Variants in ARHGEF18 observed in about 807,000 individuals in gnomAD.
ARHGEF18 encodes the protein Rho/Rac guanine nucleotide exchange factor 18.
ARHGEF18 carries 93 observed loss-of-function variants against 155.7 expected under a neutral mutation model. The observed-to-expected ratio is 0.60, with a 90% CI of 0.50 to 0.71. The LOEUF (loss-of-function observed/expected upper bound fraction) is 0.71. Ranked by LOEUF, ARHGEF18 falls within the 30% of genes least tolerant of loss-of-function variation. The probability of loss-of-function intolerance (pLI) is 0.00; values close to 1 mark genes in which losing one functional copy is unlikely to be tolerated. For synonymous variants in ARHGEF18, 742 were observed against 753.1 expected, an observed-to-expected ratio of 0.99 and a Z score of 0.24; for missense variants, 1,593 against 1,816.1, an observed-to-expected ratio of 0.88 and a Z score of 2.23.
At chr19:7,385,764 C>T (rs1371092297) in intron 10 of ARHGEF18, among the ~76,000 whole-genome samples, 1 of 151,360 alleles carries the variant, frequency 6.6e-6, no homozygotes, top group Admixed American at 6.6e-5. Context: ...GCGTGAGCCA[C>T]CGCGCCTGGC....
intron 14 of ARHGEF18, among the ~76,000 whole-genome samples, chr19:7,446,557 A>G (rs1422356513): frequency 6.6e-6 from 1 of 152,056 alleles, no homozygotes; most frequent in Non-Finnish European, 1.5e-5. Flanking sequence ...CCTGACCAAC[A>G]TGGTGAAACC....
At chr19:7,385,443 CATTATTATTATT>C (rs142755963) in intron 10 of ARHGEF18, among the ~76,000 whole-genome samples, 448 of 136,664 alleles carry the variant, frequency 3.3e-3, no homozygotes, top group Middle Eastern at 7.4e-3. Context: ...CTGGGAACTT[CATTATTATTATT>C]ATTATTATTA....
intron 2 of ARHGEF18, among the ~76,000 whole-genome samples, chr19:7,367,944 G>A (rs1488672587): frequency 8.8e-6 from 1 of 113,496 alleles, no homozygotes; most frequent in Non-Finnish European, 1.7e-5. Flanking sequence ...GGGCATGGTA[G>A]TGCAGACCTG....
intron 23 of ARHGEF18, 82 bp from the exon 24 acceptor site, chr19:7,466,836 A>AAAGGAAGAAG (rs112677825): frequency 0.15 from 160,538 of 1,090,122 alleles, 15,814 homozygotes; most frequent in African/African-American, 0.2. Context: ...AGTTAAAAAA[A>AAAGGAAGAAG]AAGAAGAAGA....
rs764295811 is a variant in ARHGEF18, at chr19:7,451,218, A to G, written c.1807A>G (p.Ile603Val). Reference sequence around the variant, plus strand: ...GTGCATTCTCCTGGTTACACAACGCATAACCAAATACCCAGTGCTGGTGGA... The same window carrying G: ...GTGCATTCTCCTGGTTACACAACGCGTAACCAAATACCCAGTGCTGGTGGA... ...QECILLVTQR[I>V]TKYPVLVERI... Residue 603 changes from isoleucine (I) to valine (V), a missense_variant, in exon 16 of 29, where the codon ATA becomes GTA. By Grantham distance (29) the Ile-to-Val change is conservative (BLOSUM62 3). Coordinates refer to ENST00000668164, the MANE Select transcript of ARHGEF18 (RefSeq NM_001367823.1). 1 of 1,602,236 alleles carries G rather than the reference A, an allele frequency of 6.2e-7. No individual in the cohort carries two copies.
chr19:7,437,698 C>T (rs369968735), intron 10 of ARHGEF18, among the ~76,000 whole-genome samples: 38 of 149,546 alleles, frequency 2.5e-4, no homozygotes, highest in African/African-American at 8.4e-4. Context: ...GGCTGGAGTG[C>T]GGTGGCATGA....
intron 10 of ARHGEF18, among the ~76,000 whole-genome samples, chr19:7,397,620 C>A (rs1971790928): frequency 6.6e-6 from 1 of 152,000 alleles, no homozygotes; most frequent in Middle Eastern, 3.4e-3. Context: ...GTAGTCCCAG[C>A]TAGTCAGGAG....
At chr19:7,394,115 C>A (rs779098571) in intron 10 of ARHGEF18, among the ~76,000 whole-genome samples, 11 of 151,458 alleles carry the variant, frequency 7.3e-5, no homozygotes, top group Non-Finnish European at 1.5e-4. Flanking sequence ...ACCTCCCAGG[C>A]TCAAGTCATC....
downstream of ARHGEF18, among the ~76,000 whole-genome samples, chr19:7,473,808 CAAAAAAA>C (rs35797777): frequency 1.1e-4 from 9 of 79,634 alleles, no homozygotes; most frequent in East Asian, 3.6e-4. Flanking sequence ...GACTCCGTCT[CAAAAAAA>C]AAAAAAAAAA....
intron 19 of ARHGEF18, 125 bp from the exon 20 acceptor site, chr19:7,459,778 C>T: frequency 2.6e-6 from 2 of 766,204 alleles, no homozygotes; most frequent in South Asian, 1.8e-5. Flanking sequence ...TCCTGCACCA[C>T]GAACAAGCTA....
intron 27 of ARHGEF18, 108 bp from the exon 28 acceptor site, chr19:7,469,796 G>A: frequency 2.2e-6 from 3 of 1,370,008 alleles, no homozygotes; most frequent in Non-Finnish European, 3.0e-6. Flanking sequence ...GCCGCCCGTG[G>A]GAAGTGTCAG....
At position 7,395,171 on chromosome 19, in the gene ARHGEF18, C is replaced by T. The variant is rs1971623335; in HGVS notation, c.967+11968C>T. The T allele has an allele frequency of 1.0e-6, 1 of 986,032 alleles. No homozygotes were observed. Among genetic ancestry groups the T allele is most frequent in the Non-Finnish European group, 1.2e-6 (1 of 830,424 alleles). 61.1% of individuals were successfully genotyped at this position (986,032 alleles called of 1,614,324 possible). A position where few individuals can be genotyped will look rare whatever the true frequency, so the allele number is the denominator to read the frequency against. ...CTAGCTACTGTGGATCTGGGGGGGC[C>T]GGACGGAGGCATCGGAGGCGGCTGC... On this transcript the variant is annotated intron_variant, in intron 10 of 28. Coordinates refer to ENST00000668164, the MANE Select transcript of ARHGEF18 (RefSeq NM_001367823.1). This position sits in a 1 kb window ranked among gnomAD's most constrained non-coding sequence, Gnocchi z 5.0.
Position 7,375,322 on chromosome 19 carries a change from AAAGAAAGAAAAGG to A in ARHGEF18, c.276-386_276-374del, listed in dbSNP as rs1287157772. On this transcript the variant is annotated intron_variant, in intron 3 of 28. Transcript: ENST00000668164. ...AGAAAGAAAAGAAAGAAAAAGAAAG[AAAGAAAGAAAAGG>A]AAGAAAGAAAAAGAAAGAAAAGGAA... Among the ~76,000 whole-genome samples the A allele has an allele frequency of 9.5e-5, 14 of 146,812 alleles. 1 individual carries two copies. Among genetic ancestry groups the A allele is most frequent in the Non-Finnish European group, 1.5e-4 (10 of 66,796 alleles).
At position 7,416,605 on chromosome 19, in the gene ARHGEF18, GTT is replaced by G. The variant is rs71179109; in HGVS notation, c.968-23725_968-23724del. On this transcript the variant is annotated intron_variant, in intron 10 of 28. Transcript: ENST00000668164. ...TTGGGGTGGATGATATTTTATTTGGGTTTTTTTTTTTTTTTGAGACAGAGTCT... is the reference window on the plus strand; with the variant it reads ...TTGGGGTGGATGATATTTTATTTGGGTTTTTTTTTTTTTGAGACAGAGTCT... 1.6e-3 allele frequency among the ~76,000 whole-genome samples: 145 copies of G among 90,450 alleles called. 5 individuals are homozygous for G. The highest frequency in any genetic ancestry group is 5.7e-3 in the African/African-American group (134 of 23,678). The allele number at this position is 90,450 out of a possible 152,430, so 59.3% of individuals were successfully genotyped here. A position where few individuals can be genotyped will look rare whatever the true frequency, so the allele number is the denominator to read the frequency against.
intron 1 of ARHGEF18, among the ~76,000 whole-genome samples, chr19:7,354,415 C>G (rs74652037): frequency 0.92 from 140,480 of 152,156 alleles, 64,980 homozygotes; most frequent in East Asian, 0.97. Flanking sequence ...GTAATGTAAA[C>G]AATTGGGAGA....
In ARHGEF18 at chr19:7,350,763, GGTGGGTGTGTGTGTGTGT is replaced by G. The variant is rs1198788338; in HGVS notation, c.-111+1526_-111+1543del. On this transcript the variant is annotated intron_variant, in intron 1 of 28. Coordinates refer to ENST00000668164, the MANE Select transcript of ARHGEF18 (RefSeq NM_001367823.1). ...GTTAAAAGGCTGTTGAGTTTTTTGG[GGTGGGTGTGTGTGTGTGT>G]GTGTGTGTGTGTGTGTGTGTGTGTG... Among the ~76,000 whole-genome samples, 279 of 133,244 alleles carry G rather than the reference GGTGGGTGTGTGTGTGTGT, an allele frequency of 2.1e-3. 1 individual carries two copies. Among genetic ancestry groups the G allele is most frequent in the East Asian group, 5.3e-3 (22 of 4,132 alleles). 87.4% of individuals were successfully genotyped at this position (133,244 alleles called of 152,430 possible). A position where few individuals can be genotyped will look rare whatever the true frequency, so the allele number is the denominator to read the frequency against.
At position 7,395,878 on chromosome 19, in the gene ARHGEF18, C is replaced by T. The variant is rs1971670389; in HGVS notation, c.967+12675C>T. ...ACTTTTATTTGAGATTGAGGGGGTA[C>T]ATGTACAGGTTTGTTACCTGGATAT... On this transcript the variant is annotated intron_variant, in intron 10 of 28. Coordinates refer to ENST00000668164, the MANE Select transcript of ARHGEF18 (RefSeq NM_001367823.1). The surrounding 1 kb of genome is among the most constrained non-coding windows in gnomAD (Gnocchi z 5.0). Among the ~76,000 whole-genome samples, 2 of 152,086 alleles carry T rather than the reference C, an allele frequency of 1.3e-5. No individual in the cohort carries two copies. Among genetic ancestry groups the T allele is most frequent in the African/African-American group, 2.4e-5 (1 of 41,410 alleles).
intron 1 of ARHGEF18, among the ~76,000 whole-genome samples, chr19:7,350,595 G>A (rs1430269902): frequency 1.3e-5 from 2 of 152,158 alleles, no homozygotes; most frequent in Admixed American, 6.5e-5. Context: ...ATGACAAAGG[G>A]ATGGGCATAT....
In ARHGEF18 at chr19:7,441,640, T is replaced by C; in HGVS notation, c.1107-13T>C. 1.2e-6 allele frequency: 2 copies of C among 1,608,898 alleles called. No individual in the cohort carries two copies. The highest frequency in any genetic ancestry group is 1.7e-6 in the Non-Finnish European group (2 of 1,175,504). ...ACTTTTCTAAAACAATTGTTTTTATTGTTTGCACTCAGACCAATCACAGGA... is the reference window on the plus strand; with the variant it reads ...ACTTTTCTAAAACAATTGTTTTTATCGTTTGCACTCAGACCAATCACAGGA... On this transcript the variant is annotated splice_polypyrimidine_tract_variant and intron_variant, in intron 11 of 28. Coordinates refer to ENST00000668164, the MANE Select transcript of ARHGEF18 (RefSeq NM_001367823.1).
Sources: allele counts gnomAD v4.1 joint callset (sites outside exome capture counted in the v4.1 genomes callset), GRCh38; gene constraint gnomAD v4.1.1; non-coding constraint Gnocchi (gnomAD v3.1); transcripts MANE v1.5; gene names NCBI Gene and HGNC (gene_info 2026-07-23, HGNC 2026-07-21).